HCN1: variants seen among roughly 807,000 people sequenced by gnomAD.
The protein encoded by HCN1 is hyperpolarization activated cyclic nucleotide gated potassium channel 1.
Under a neutral mutation model 78.9 loss-of-function variants are expected in HCN1, and 13 were observed. That is an observed-to-expected ratio of 0.16 (90% CI 0.11 to 0.26). The LOEUF (loss-of-function observed/expected upper bound fraction) is 0.26. HCN1 is among the 10% of genes least tolerant of loss of function. HCN1 has a pLI of 1.00. For missense variants in HCN1, 810 were observed against 1,154.3 expected (o/e 0.70, Z 4.32); for synonymous variants, 552 against 455.5 (o/e 1.21, Z -2.70).
chr5:45,317,700 G>A lies in HCN1; in HGVS notation c.1378-13861C>T, dbSNP rs375505740. On this transcript the variant is annotated intron_variant, in intron 5 of 7. Transcript: ENST00000303230. ...GGCTAATATCCAGAATCTACAAAGA[G>A]CTCAAACAAATTTACAAGAAAAAAA... Among the ~76,000 whole-genome samples the A allele has an allele frequency of 6.9e-3, 1,047 of 151,614 alleles. 15 individuals are homozygous for A. The highest frequency in any genetic ancestry group is 0.024 in the African/African-American group (995 of 41,384).
chr5:45,331,929 A>C (rs1485769225), intron 5 of HCN1, among the ~76,000 whole-genome samples: 1 of 151,568 alleles, frequency 6.6e-6, no homozygotes, highest in Non-Finnish European at 1.5e-5. Context: ...AAATGATATT[A>C]GATATCTTAA....
chr5:45,456,402 G>T (rs1741030676), intron 3 of HCN1, among the ~76,000 whole-genome samples: 2 of 151,918 alleles, frequency 1.3e-5, no homozygotes, highest in South Asian at 4.1e-4. Flanking sequence ...AGCAACACAT[G>T]CAGAGTTGGT....
At chr5:45,641,016 C>A (rs557458935) in intron 2 of HCN1, among the ~76,000 whole-genome samples, 2 of 152,148 alleles carry the variant, frequency 1.3e-5, no homozygotes, top group South Asian at 2.1e-4. Flanking sequence ...GACCAGGGAA[C>A]AATGTGCTGG....
intron 3 of HCN1, among the ~76,000 whole-genome samples, chr5:45,418,983 T>C (rs1259934573): frequency 6.6e-6 from 1 of 152,178 alleles, no homozygotes; most frequent in Non-Finnish European, 1.5e-5. Context: ...TAGTGATGCA[T>C]TTCAATTCCA....
chr5:45,682,766 G>GA (rs1399110210), intron 1 of HCN1, among the ~76,000 whole-genome samples: 5 of 151,504 alleles, frequency 3.3e-5, no homozygotes, highest in Non-Finnish European at 5.9e-5. Context: ...CATGTTCTAT[G>GA]AAAAAAAAGG....
chr5:45,411,870 T>A lies in HCN1; in HGVS notation c.1012-15160A>T, dbSNP rs184079373. Among the ~76,000 whole-genome samples, 48 of 152,210 alleles carry A rather than the reference T, an allele frequency of 3.2e-4. 1 individual carries two copies. The East Asian group carries it at 7.2e-3, about 23-fold the overall frequency. On this transcript the variant is annotated intron_variant, in intron 3 of 7. Coordinates refer to ENST00000303230, the MANE Select transcript of HCN1 (RefSeq NM_021072.4). ...TACTTTGGGTATGAAGCACAATTAC[T>A]GGCAATTTTTGAAGGGAGCACACCA...
At chr5:45,619,277 C>T (rs567129964) in intron 2 of HCN1, among the ~76,000 whole-genome samples, 15 of 152,068 alleles carry the variant, frequency 9.9e-5, no homozygotes, top group Admixed American at 3.3e-4. Context: ...TAGCAATGAG[C>T]GTATCTGGCA....
At chr5:45,386,492 T>C (rs543592065) in intron 4 of HCN1, among the ~76,000 whole-genome samples, 1 of 152,226 alleles carries the variant, frequency 6.6e-6, no homozygotes, top group African/African-American at 2.4e-5. Flanking sequence ...CTTTTCTCTT[T>C]CTCTTCTGTC....
chr5:45,462,150 A>T (rs1256198828), intron 2 of HCN1, 143 bp from the exon 3 acceptor site: 4 of 683,362 alleles, frequency 5.9e-6, no homozygotes, highest in Non-Finnish European at 2.5e-6. Flanking sequence ...ATAGAAACAG[A>T]TTACATTTCT....
chr5:45,491,768 G>T (rs564684570), intron 2 of HCN1, among the ~76,000 whole-genome samples: 1 of 152,136 alleles, frequency 6.6e-6, no homozygotes, highest in African/African-American at 2.4e-5. Context: ...AATAATATGT[G>T]CAAGCAAGTT....
At chr5:45,494,426 C>G (rs972844741) in intron 2 of HCN1, among the ~76,000 whole-genome samples, 4 of 151,722 alleles carry the variant, frequency 2.6e-5, no homozygotes, top group Non-Finnish European at 4.4e-5. Context: ...TCATGTCCTT[C>G]GCCCACTTTT....
intron 5 of HCN1, among the ~76,000 whole-genome samples, chr5:45,304,759 T>A (rs997604375): frequency 6.6e-6 from 1 of 152,120 alleles, no homozygotes; most frequent in Non-Finnish European, 1.5e-5. Flanking sequence ...CTCCTGGGAT[T>A]CCCCTGCAAG....
intron 1 of HCN1, among the ~76,000 whole-genome samples, chr5:45,661,494 CA>C (rs1745935863): frequency 9.8e-6 from 1 of 101,890 alleles, no homozygotes; most frequent in Admixed American, 1.1e-4. Flanking sequence ...AAAAACCCTT[CA>C]AAAAATCAAT....
chr5:45,424,608 C>A (rs1011511963), intron 3 of HCN1, among the ~76,000 whole-genome samples: 4 of 152,098 alleles, frequency 2.6e-5, no homozygotes, highest in Non-Finnish European at 4.4e-5. Flanking sequence ...TATAAAATCA[C>A]AAATATTATT....
At chr5:45,338,033 G>C (rs192342301) in intron 5 of HCN1, among the ~76,000 whole-genome samples, 1 of 152,104 alleles carries the variant, frequency 6.6e-6, no homozygotes, top group Non-Finnish European at 1.5e-5. Context: ...AGGTTTCAAA[G>C]TTCTCACAAA....
At chr5:45,486,616 T>A (rs2111688148) in intron 2 of HCN1, among the ~76,000 whole-genome samples, 1 of 152,224 alleles carries the variant, frequency 6.6e-6, no homozygotes, top group African/African-American at 2.4e-5. Context: ...TCAAAATAAA[T>A]TTTAAAGTCA....
intron 2 of HCN1, among the ~76,000 whole-genome samples, chr5:45,533,081 A>G (rs1191449461): frequency 6.6e-6 from 1 of 152,204 alleles, no homozygotes; most frequent in African/African-American, 2.4e-5. Context: ...CTCTGAGGAA[A>G]GAACTACTGC....
At chr5:45,402,044 G>A (rs973625506) in intron 3 of HCN1, among the ~76,000 whole-genome samples, 1 of 152,024 alleles carries the variant, frequency 6.6e-6, no homozygotes, top group Non-Finnish European at 1.5e-5. Flanking sequence ...AGTATTTGGA[G>A]GCTGAGAAAA....
At chr5:45,548,857 C>A (rs10072421) in intron 2 of HCN1, among the ~76,000 whole-genome samples, 70,576 of 150,550 alleles carry the variant, frequency 0.47, 18,601 homozygotes, top group Non-Finnish European at 0.58. Context: ...CAATAACAGA[C>A]AAACAGAGAG....
Sources: allele counts gnomAD v4.1 joint callset (sites outside exome capture counted in the v4.1 genomes callset), GRCh38; gene constraint gnomAD v4.1.1; transcripts MANE v1.5; gene names NCBI Gene and HGNC (gene_info 2026-07-23, HGNC 2026-07-21).